The following CYB5R1 variants were observed in gnomAD, a reference collection of about 807,000 sequenced individuals.
The protein encoded by CYB5R1 is NADH-cytochrome b5 reductase 1.
CYB5R1 carries 32 observed loss-of-function variants against 37.4 expected under a neutral mutation model. The observed-to-expected ratio is 0.86, with a 90% CI of 0.65 to 1.15. The LOEUF (loss-of-function observed/expected upper bound fraction) is 1.15. CYB5R1 is among the 50% of genes most tolerant of loss of function. CYB5R1 has a pLI of 0.00. For synonymous variants in CYB5R1, 159 were observed against 155.2 expected, an observed-to-expected ratio of 1.02 and a Z score of -0.18; for missense variants, 345 against 382.5, an observed-to-expected ratio of 0.90 and a Z score of 0.82.
chr1:202,962,571 A>C lies in CYB5R1; in HGVS notation c.874T>G (p.Leu292Val). The change falls in exon 9 of 9, where the codon TTG (leucine) becomes GTG (valine). Residue 292 changes from leucine (L) to valine (V), a missense_variant. Physicochemically the swap from Leu to Val is conservative, Grantham distance 32. Coordinates refer to ENST00000367249, the MANE Select transcript of CYB5R1 (RefSeq NM_016243.3). ...TTTTGTGAGTAGCCCAGTTTGTCCA[A>C]GTTGGGATGGCAGGCCAGCTGCACC... Reference protein sequence around the residue: ...PMVQLACHPNLDKLGYSQKMR... With the variant: ...PMVQLACHPNVDKLGYSQKMR... The C allele has an allele frequency of 6.2e-7, 1 of 1,613,628 alleles. No homozygotes were observed. Among genetic ancestry groups the C allele is most frequent in the Non-Finnish European group, 8.5e-7 (1 of 1,179,818 alleles).
intron 5 of CYB5R1, chr1:202,965,039 G>C: frequency 2.4e-6 from 1 of 423,798 alleles, no homozygotes; most frequent in Non-Finnish European, 4.3e-6. Flanking sequence ...GCACCCAGCT[G>C]TTCCCATGGG....
Position 202,965,918 on chromosome 1 carries a change from T to C in CYB5R1, c.314A>G (p.Glu105Gly). ...GACAAGATCCACATAGCCTTGATCC[T>C]CATCACTGGTGACAGGAGTGTATGG... ...IRPYTPVTSD[E>G]DQGYVDLVIK... Residue 105 changes from glutamate to glycine, a missense_variant, in exon 4 of 9, where the codon GAG (glutamate) becomes GGG (glycine). Physicochemically the swap from Glu to Gly is moderately conservative, Grantham distance 98. Transcript: ENST00000367249. 6.2e-7 allele frequency: 1 copy of C among 1,613,820 alleles called. No individual in the cohort carries two copies. Among genetic ancestry groups the C allele is most frequent in the South Asian group, 1.1e-5 (1 of 91,078 alleles).
chr1:202,963,235 C>A, intron 7 of CYB5R1, 70 bp from the exon 8 acceptor site: 1 of 1,044,200 alleles, frequency 9.6e-7, no homozygotes, highest in Non-Finnish European at 1.4e-6. Context: ...TTCTGCTATA[C>A]AACTTTCCAA....
In CYB5R1 at chr1:202,967,234, A is replaced by T; in HGVS notation, c.-29T>A. 1 of 1,600,186 alleles carries T rather than the reference A, an allele frequency of 6.2e-7. No individual in the cohort carries two copies. The highest frequency in any genetic ancestry group is 8.5e-7 in the Non-Finnish European group (1 of 1,173,060). ...GGAGCGCCTTTTCCTCCACCACCTG[A>T]CAAGCCGACAGATCCCACAATGCGC... On this transcript the variant is annotated 5_prime_UTR_variant, in exon 1 of 9. Transcript: ENST00000367249.
chr1:202,967,253 A>C lies in CYB5R1; in HGVS notation c.-48T>G. 1 of 1,591,014 alleles carries C rather than the reference A, an allele frequency of 6.3e-7. No individual in the cohort carries two copies. The highest frequency in any genetic ancestry group is 8.6e-7 in the Non-Finnish European group (1 of 1,166,952). On this transcript the variant is annotated 5_prime_UTR_variant, in exon 1 of 9. It adds an upstream start codon to the 5' untranslated region. Transcript: ENST00000367249. ...CACCTGACAAGCCGACAGATCCCAC[A>C]ATGCGCCGCGGGGCGGGTCGGAGGG...
intron 5 of CYB5R1, 70 bp from the exon 6 acceptor site, chr1:202,964,765 A>T (rs1655053713): frequency 1.7e-6 from 2 of 1,147,276 alleles, no homozygotes; most frequent in Non-Finnish European, 2.6e-6. Context: ...ACAAATGCAG[A>T]GTTGAAAATA....
At position 202,967,237 on chromosome 1, in the gene CYB5R1, A is replaced by G; in HGVS notation, c.-32T>C. On this transcript the variant is annotated 5_prime_UTR_variant, in exon 1 of 9. Coordinates refer to ENST00000367249, the MANE Select transcript of CYB5R1 (RefSeq NM_016243.3). ...GCGCCTTTTCCTCCACCACCTGACA[A>G]GCCGACAGATCCCACAATGCGCCGC... 1 of 1,512,038 alleles carries G rather than the reference A, an allele frequency of 6.6e-7. No individual in the cohort carries two copies. The highest frequency in any genetic ancestry group is 8.9e-7 in the Non-Finnish European group (1 of 1,118,982). The allele number at this position is 1,512,038 out of a possible 1,614,324, so 93.7% of individuals were successfully genotyped here.
At chr1:202,962,937 G>T in intron 8 of CYB5R1, 129 bp downstream of exon 8, 1 of 989,588 alleles carries the variant, frequency 1.0e-6, no homozygotes, top group Non-Finnish European at 1.6e-6. Flanking sequence ...CACTGTGTCT[G>T]TGCACTCAGA....
chr1:202,966,704 A>G (rs778566618), intron 2 of CYB5R1, 45 bp downstream of exon 2: 1 of 1,612,026 alleles, frequency 6.2e-7, no homozygotes, highest in Non-Finnish European at 8.5e-7. Context: ...TGCCAGGAGC[A>G]CTCTGGTCCC....
chr1:202,963,799 A>C, intron 6 of CYB5R1, 72 bp from the exon 7 acceptor site: 1 of 1,013,338 alleles, frequency 9.9e-7, no homozygotes, highest in Non-Finnish European at 1.4e-6. Flanking sequence ...TTAGCTGACC[A>C]GCCCTTTCAT....
Position 202,966,912 on chromosome 1 carries a change from A to T in CYB5R1, c.16-14T>A, listed in dbSNP as rs765782952. ...CAGGACGGGGCTCTGTGGGTAGAGGAGGCAGCGTGACCGCCAGGCTGGGTA... is the reference window on the plus strand; with the variant it reads ...CAGGACGGGGCTCTGTGGGTAGAGGTGGCAGCGTGACCGCCAGGCTGGGTA... On this transcript the variant is annotated splice_polypyrimidine_tract_variant and intron_variant, in intron 1 of 8. Transcript: ENST00000367249. 6.3e-7 allele frequency: 1 copy of T among 1,593,046 alleles called. No individual in the cohort carries two copies. The highest frequency in any genetic ancestry group is 8.5e-7 in the Non-Finnish European group (1 of 1,169,940).
intron 4 of CYB5R1, 133 bp from the exon 5 acceptor site, chr1:202,965,633 C>CTTTTT (rs141825609): frequency 9.9e-6 from 8 of 805,874 alleles, no homozygotes; most frequent in Admixed American, 3.9e-5. Flanking sequence ...TACTTTCTTT[C>CTTTTT]TTTCTTTTTT....
At chr1:202,966,307 G>C in intron 3 of CYB5R1, 2 of 611,656 alleles carry the variant, frequency 3.3e-6, no homozygotes, top group East Asian at 5.5e-5. Context: ...CTGCAGGGAA[G>C]AGGCAAGACT....
chr1:202,966,750 G>T lies in CYB5R1; in HGVS notation c.164C>A (p.Thr55Lys), dbSNP rs199636712. ...CTGGCCCTTTCTTCCCCAACTTACC[G>T]TCTTGTCTAGCAGTCGTAGCAGGTA... ...EKYLLRLLDKTTVSHNTKRFR... is the reference protein window; with the variant it reads ...EKYLLRLLDKKTVSHNTKRFR... The change falls in exon 2 of 9, where the codon ACG becomes AAG. Residue 55 changes from threonine (T) to lysine (K), a missense_variant and splice_region_variant. By Grantham distance (78) the Thr-to-Lys change is moderately conservative (BLOSUM62 -1). Transcript: ENST00000367249. 1.2e-6 allele frequency: 2 copies of T among 1,613,774 alleles called. No homozygotes were observed. The highest frequency in any genetic ancestry group is 2.2e-5 in the South Asian group (2 of 91,062).
chr1:202,963,634 A>C lies in CYB5R1; in HGVS notation c.645+8T>G, dbSNP rs574210247. 9 of 1,597,984 alleles carry C rather than the reference A, an allele frequency of 5.6e-6. No individual in the cohort carries two copies. In the African/African-American group the frequency reaches 6.7e-5, roughly 12 times the overall value. ...TTGAAGTCTTAGGGTGGAGGAAAAC[A>C]AACCAACCTGGTTGGCAAAAAGCAG... is the stretch of plus-strand genomic sequence containing the variant. On this transcript the variant is annotated splice_region_variant and intron_variant, in intron 7 of 8. Coordinates refer to ENST00000367249, the MANE Select transcript of CYB5R1 (RefSeq NM_016243.3).
At chr1:202,965,295 A>G in intron 5 of CYB5R1, 76 bp downstream of exon 5, 1 of 1,465,110 alleles carries the variant, frequency 6.8e-7, no homozygotes, top group Non-Finnish European at 9.0e-7. Flanking sequence ...ATGTGTACAC[A>G]CAGCCATACT....
rs1655050043 is a variant in CYB5R1, at chr1:202,964,596, C to G, written c.559+16G>C. Reference sequence around the variant, plus strand: ...GTCAACAATGGTGGGAGAGAAAGGCCCTCAGTGTAATGCACCTGTCCCGCC... The same window carrying G: ...GTCAACAATGGTGGGAGAGAAAGGCGCTCAGTGTAATGCACCTGTCCCGCC... On this transcript the variant is annotated intron_variant, in intron 6 of 8. Transcript: ENST00000367249. The G allele has an allele frequency of 1.3e-6, 2 of 1,594,682 alleles. No individual in the cohort carries two copies. The highest frequency in any genetic ancestry group is 1.3e-5 in the African/African-American group (1 of 74,428).
intron 4 of CYB5R1, 149 bp from the exon 5 acceptor site, chr1:202,965,649 TGAGTCA>T: frequency 9.7e-7 from 1 of 1,031,704 alleles, no homozygotes; most frequent in Non-Finnish European, 1.4e-6. Context: ...TTTTTTTTTT[TGAGTCA>T]GAGTTTTGCT....
rs148303395 is a variant in CYB5R1, at chr1:202,966,418, G to T, written c.238+110C>A. 2.3e-4 allele frequency: 288 copies of T among 1,262,648 alleles called. 3 individuals carry two copies. The African/African-American group carries it at 3.8e-3, about 16-fold the overall frequency. 78.2% of individuals were successfully genotyped at this position (1,262,648 alleles called of 1,614,324 possible). On this transcript the variant is annotated intron_variant, in intron 3 of 8. Transcript: ENST00000367249. ...GATGCAGAGCCAAGTGGGGGAAGGGGAATGGTGTGTGGAGCAAACCGGTTG... is the reference window on the plus strand; with the variant it reads ...GATGCAGAGCCAAGTGGGGGAAGGGTAATGGTGTGTGGAGCAAACCGGTTG...
Sources: allele counts gnomAD v4.1 joint callset, GRCh38; gene constraint gnomAD v4.1.1; transcripts MANE v1.5; gene names NCBI Gene and HGNC (gene_info 2026-07-23, HGNC 2026-07-21).